The following CDH12 variants were observed in gnomAD, a reference collection of about 807,000 sequenced individuals.
CDH12 encodes cadherin 12.
Under a neutral mutation model 74.1 loss-of-function variants are expected in CDH12, and 41 were observed. That is an observed-to-expected ratio of 0.55 (90% CI 0.43 to 0.72). The LOEUF (loss-of-function observed/expected upper bound fraction) is 0.72. Ranked by LOEUF, CDH12 falls within the 30% of genes least tolerant of loss-of-function variation. CDH12 has a pLI of 0.00. For synonymous variants in CDH12, 399 were observed against 355.0 expected, an observed-to-expected ratio of 1.12 and a Z score of -1.39; for missense variants, 945 against 977.2, an observed-to-expected ratio of 0.97 and a Z score of 0.44.
intron 2 of CDH12, among the ~76,000 whole-genome samples, chr5:22,471,571 T>TG (rs943929832): frequency 1.3e-5 from 2 of 152,284 alleles, no homozygotes; most frequent in Non-Finnish European, 2.9e-5. Flanking sequence ...AAAACTTCCA[T>TG]GGGGGGAAAA....
At chr5:21,847,983 A>G (rs79718993) in intron 7 of CDH12, among the ~76,000 whole-genome samples, 1,989 of 152,244 alleles carry the variant, frequency 0.013, 40 homozygotes, top group African/African-American at 0.045. Flanking sequence ...AATACCAGGC[A>G]TATAGTAGGC....
At chr5:22,808,419 C>T (rs1440469317) in intron 1 of CDH12, among the ~76,000 whole-genome samples, 2 of 151,892 alleles carry the variant, frequency 1.3e-5, no homozygotes, top group African/African-American at 2.4e-5. Flanking sequence ...ATTTTAAATG[C>T]TTACTTTGTT....
chr5:21,764,032 C>T (rs1275589025), intron 12 of CDH12, among the ~76,000 whole-genome samples: 3 of 152,144 alleles, frequency 2.0e-5, no homozygotes, highest in Non-Finnish European at 4.4e-5. Flanking sequence ...GGAAAATGCA[C>T]TCTAAAGTGG....
intron 1 of CDH12, among the ~76,000 whole-genome samples, chr5:22,769,541 G>A (rs952769344): frequency 1.3e-5 from 2 of 152,002 alleles, no homozygotes; most frequent in African/African-American, 4.8e-5. Flanking sequence ...TCCTCAGCTT[G>A]GAGATAGCCT....
At chr5:22,109,296 G>C (rs1744679118) in intron 4 of CDH12, among the ~76,000 whole-genome samples, 2 of 152,100 alleles carry the variant, frequency 1.3e-5, no homozygotes, top group Admixed American at 1.3e-4. Flanking sequence ...GGGAGATAGA[G>C]ATAACATCCC....
intron 1 of CDH12, among the ~76,000 whole-genome samples, chr5:22,843,357 T>C (rs1737161877): frequency 6.6e-6 from 1 of 152,068 alleles, no homozygotes; most frequent in Admixed American, 6.6e-5. Context: ...TCTGTAGTAC[T>C]GTGAAATTAG....
At chr5:22,444,371 T>A (rs1261246) in intron 2 of CDH12, among the ~76,000 whole-genome samples, 22,386 of 152,094 alleles carry the variant, frequency 0.15, 1,733 homozygotes, top group Middle Eastern at 0.22. Context: ...CTCTCGTTTG[T>A]AGTTGTCTAA....
intron 1 of CDH12, among the ~76,000 whole-genome samples, chr5:22,531,243 A>G (rs1737571136): frequency 6.6e-6 from 1 of 152,174 alleles, no homozygotes; most frequent in South Asian, 2.1e-4. Context: ...GGGGGAAGTC[A>G]GGCATGTTTT....
At chr5:22,077,139 T>C (rs1742387842) in intron 5 of CDH12, among the ~76,000 whole-genome samples, 1 of 151,886 alleles carries the variant, frequency 6.6e-6, no homozygotes, top group Admixed American at 6.6e-5. Flanking sequence ...ATGGGCTGAT[T>C]TGATTTGGGG....
intron 3 of CDH12, among the ~76,000 whole-genome samples, chr5:22,331,201 G>C (rs1739336984): frequency 6.6e-6 from 1 of 152,214 alleles, no homozygotes; most frequent in South Asian, 2.1e-4. Context: ...CTGCCAGATA[G>C]CATGGCTGGA....
intron 1 of CDH12, among the ~76,000 whole-genome samples, chr5:22,641,659 T>G (rs1278719823): frequency 6.6e-6 from 1 of 152,202 alleles, no homozygotes; most frequent in Non-Finnish European, 1.5e-5. Context: ...TTAGGCCCTT[T>G]GCACTAACCA....
chr5:22,591,635 C>G (rs561774823), intron 1 of CDH12, among the ~76,000 whole-genome samples: 1 of 152,128 alleles, frequency 6.6e-6, no homozygotes, highest in Non-Finnish European at 1.5e-5. Context: ...CATTCAGTAT[C>G]TTAGTTTCCA....
chr5:22,352,596 A>C (rs181758404), intron 3 of CDH12, among the ~76,000 whole-genome samples: 29 of 152,252 alleles, frequency 1.9e-4, no homozygotes, highest in Non-Finnish European at 4.0e-4. Context: ...TTACCCGCAG[A>C]CTTCTTCACA....
At chr5:21,945,189 C>T (rs1755515406) in intron 6 of CDH12, among the ~76,000 whole-genome samples, 1 of 151,906 alleles carries the variant, frequency 6.6e-6, no homozygotes, top group South Asian at 2.1e-4. Flanking sequence ...CTGTGGGAGG[C>T]CAAGATGGGT....
intron 6 of CDH12, among the ~76,000 whole-genome samples, chr5:21,892,339 T>G: frequency 6.6e-6 from 1 of 152,170 alleles, no homozygotes; most frequent in East Asian, 1.9e-4. Flanking sequence ...TGTTGTTTGA[T>G]ATGAACTTTC....
intron 1 of CDH12, among the ~76,000 whole-genome samples, chr5:22,517,142 T>C (rs1424565625): frequency 6.6e-6 from 1 of 152,044 alleles, no homozygotes; most frequent in Non-Finnish European, 1.5e-5. Flanking sequence ...AGAGGAAAGA[T>C]AAAGCCACTA....
At chr5:22,124,000 C>T (rs1162722169) in intron 4 of CDH12, among the ~76,000 whole-genome samples, 2 of 151,220 alleles carry the variant, frequency 1.3e-5, no homozygotes, top group Non-Finnish European at 2.9e-5. Flanking sequence ...TGGAGTCTCG[C>T]TCTGTCTCCC....
chr5:22,732,881 T>G (rs1268225675), intron 1 of CDH12, among the ~76,000 whole-genome samples: 1 of 151,888 alleles, frequency 6.6e-6, no homozygotes, highest in Non-Finnish European at 1.5e-5. Flanking sequence ...GCCACCCAGT[T>G]TGTGGTACTG....
chr5:21,922,978 C>CTA (rs1163369007), intron 6 of CDH12, among the ~76,000 whole-genome samples: 1 of 149,988 alleles, frequency 6.7e-6, no homozygotes, highest in Non-Finnish European at 1.5e-5. Flanking sequence ...ATATCTATAT[C>CTA]TATATATGGA....
Sources: allele counts gnomAD v4.1 joint callset (sites outside exome capture counted in the v4.1 genomes callset), GRCh38; gene constraint gnomAD v4.1.1; transcripts MANE v1.5; gene names NCBI Gene and HGNC (gene_info 2026-07-23, HGNC 2026-07-21).